The following PPM1F variants were observed in gnomAD, a reference collection of about 807,000 sequenced individuals.
PPM1F encodes protein phosphatase, Mg2+/Mn2+ dependent 1F, also known as protein phosphatase 1F.
A neutral mutation model predicts 35.5 loss-of-function variants in PPM1F; 17 were observed. That is an observed-to-expected ratio of 0.48 (90% confidence interval 0.33 to 0.72). PPM1F has a LOEUF of 0.72. PPM1F is among the 30% of genes least tolerant of loss of function. PPM1F has a pLI of 0.02. For synonymous variants in PPM1F, 241 were observed against 255.5 expected, an observed-to-expected ratio of 0.94 and a Z score of 0.54; for missense variants, 521 against 613.0, an observed-to-expected ratio of 0.85 and a Z score of 1.59.
At chr22:21,932,080 A>G (rs986266217) in intron 5 of PPM1F, among the ~76,000 whole-genome samples, 1 of 151,740 alleles carries the variant, frequency 6.6e-6, no homozygotes, top group Non-Finnish European at 1.5e-5. Flanking sequence ...AGCCTCCCAA[A>G]GTGCTGGGAT....
chr22:21,950,244 T>C (rs143828973), intron 1 of PPM1F: 22 of 152,184 alleles, frequency 1.4e-4, no homozygotes, highest in African/African-American at 4.8e-4. Flanking sequence ...CCTCCCCTCC[T>C]TGTTTTGTGG....
intron 2 of PPM1F, chr22:21,943,226 G>A (rs2070743689): frequency 6.6e-6 from 1 of 152,216 alleles, no homozygotes; most frequent in Admixed American, 6.5e-5. Flanking sequence ...AGAGCTCGGA[G>A]GTGGAACTCG....
At chr22:21,946,275 T>G in intron 1 of PPM1F, 167 bp from the exon 2 acceptor site, 1 of 406,764 alleles carries the variant, frequency 2.5e-6, no homozygotes, top group Non-Finnish European at 4.4e-6. Flanking sequence ...AGGTGGGGAC[T>G]TGTGGGCATC....
At chr22:21,938,154 C>T (rs1311834860) in intron 3 of PPM1F, 1 of 1,303,026 alleles carries the variant, frequency 7.7e-7, no homozygotes. Flanking sequence ...CCTGCAGGAG[C>T]CCCGAGCGTA....
At position 21,933,395 on chromosome 22, in the gene PPM1F, C is replaced by T. The variant is rs993840823; in HGVS notation, c.743G>A (p.Arg248Gln). The change falls in exon 5 of 8, where the codon CGA becomes CAA. Residue 248 changes from arginine (R) to glutamine (Q), a missense_variant. This residue lies in a region of PPM1F where 311 missense variants were observed against 351.5 expected (regional missense o/e 0.88). Coordinates refer to ENST00000263212, the MANE Select transcript of PPM1F (RefSeq NM_014634.4). ...TDQMFLRKAKRERLQSGTTGV... is the reference protein window; with the variant it reads ...TDQMFLRKAKQERLQSGTTGV... ...GGCCCAGCGGCCAGTCCTCACCTCT[C>T]GCTTGGCTTTCCTGAGAAACATCTG... 71 of 1,606,482 alleles carry T rather than the reference C, an allele frequency of 4.4e-5. No homozygotes were observed. Among genetic ancestry groups the T allele is most frequent in the Middle Eastern group, 3.3e-4 (2 of 6,072 alleles).
intron 6 of PPM1F, among the ~76,000 whole-genome samples, chr22:21,926,288 T>C (rs1391896821): frequency 6.6e-6 from 1 of 152,018 alleles, no homozygotes; most frequent in Non-Finnish European, 1.5e-5. Context: ...CGTGCCACCA[T>C]GCCCAGCTAA....
chr22:21,933,690 G>A lies in PPM1F; in HGVS notation c.559-111C>T, dbSNP rs1234104850. The A allele has an allele frequency of 3.9e-6, 4 of 1,033,200 alleles. No homozygotes were observed. In the African/African-American group the frequency reaches 4.8e-5, roughly 12 times the overall value. The allele number at this position is 1,033,200 out of a possible 1,614,324, so 64.0% of individuals were successfully genotyped here. A position where few individuals can be genotyped will look rare whatever the true frequency, so the allele number is the denominator to read the frequency against. ...GTCTGGGAGAATCAGTATGGCCTTC[G>A]CCCGGCTTATGTGCGTATGAGGGGG... On this transcript the variant is annotated intron_variant, in intron 4 of 7. Coordinates refer to ENST00000263212, the MANE Select transcript of PPM1F (RefSeq NM_014634.4).
chr22:21,933,435 A>C lies in PPM1F; in HGVS notation c.703T>G (p.Phe235Val). The C allele has an allele frequency of 6.2e-7, 1 of 1,612,944 alleles. No homozygotes were observed. Residue 235 changes from phenylalanine to valine, a missense_variant, in exon 5 of 8, where the codon TTC becomes GTC. Phe to Val is a conservative substitution (Grantham distance 50). Transcript: ENST00000263212. Reference sequence around the variant, plus strand: ...AGAAACATCTGGTCGGTGCGCCGGAAGGCTTCTCTGAGGGCTCCCTCAGGG... The same window carrying C: ...AGAAACATCTGGTCGGTGCGCCGGACGGCTTCTCTGAGGGCTCCCTCAGGG... ...TDPEGALREA[F>V]RRTDQMFLRK...
intron 5 of PPM1F, among the ~76,000 whole-genome samples, 200 bp downstream of exon 5, chr22:21,933,191 C>T (rs1296020923): frequency 2.6e-5 from 4 of 152,202 alleles, no homozygotes; most frequent in Non-Finnish European, 5.9e-5. Flanking sequence ...GAGAGGCCCA[C>T]CATGCTGGGT....
intron 3 of PPM1F, chr22:21,938,667 G>T: frequency 1.1e-6 from 1 of 932,406 alleles, no homozygotes; most frequent in Non-Finnish European, 1.3e-6. Flanking sequence ...CAACTCTGCT[G>T]CCTGCTGGCC....
At chr22:21,928,242 C>T (rs1298641540) in intron 6 of PPM1F, among the ~76,000 whole-genome samples, 1 of 152,122 alleles carries the variant, frequency 6.6e-6, no homozygotes, top group Non-Finnish European at 1.5e-5. Context: ...CTCCACACGG[C>T]CAGGCCGCAG....
At chr22:21,929,513 C>T (rs867762083) in intron 6 of PPM1F, among the ~76,000 whole-genome samples, 5 of 152,224 alleles carry the variant, frequency 3.3e-5, no homozygotes, top group African/African-American at 4.8e-5. Flanking sequence ...AGTGTTTGAA[C>T]AGAGCCCCCA....
intron 2 of PPM1F, chr22:21,943,967 G>C (rs1254670608): frequency 6.6e-6 from 1 of 152,494 alleles, no homozygotes; most frequent in Admixed American, 6.5e-5. Context: ...TTTGCCTCAA[G>C]GCAGCAATGG....
chr22:21,946,114 G>A lies in PPM1F; in HGVS notation c.-60-6C>T. ...GAGGGTCTCCAGGCTTCACCCTGGG[G>A]AGAAATGTCAGAGTCAGCAGAATCA... On this transcript the variant is annotated splice_region_variant and splice_polypyrimidine_tract_variant and intron_variant, in intron 1 of 7. Coordinates refer to ENST00000263212, the MANE Select transcript of PPM1F (RefSeq NM_014634.4). 1 of 1,360,400 alleles carries A rather than the reference G, an allele frequency of 7.4e-7. No individual in the cohort carries two copies. Among genetic ancestry groups the A allele is most frequent in the East Asian group, 2.6e-5 (1 of 38,438 alleles). The allele number at this position is 1,360,400 out of a possible 1,614,324, so 84.3% of individuals were successfully genotyped here.
intron 2 of PPM1F, chr22:21,945,617 C>A (rs2070768830): frequency 3.8e-6 from 2 of 531,496 alleles, no homozygotes; most frequent in South Asian, 4.8e-5. Context: ...TGATCTTGGA[C>A]TCTGGCCTCC....
intron 6 of PPM1F, among the ~76,000 whole-genome samples, chr22:21,928,182 G>T (rs2070543458): frequency 6.6e-6 from 1 of 152,030 alleles, no homozygotes; most frequent in African/African-American, 2.4e-5. Flanking sequence ...GGAGCCGGTG[G>T]CCTGTGGGTT....
chr22:21,923,294 C>T lies in PPM1F; in HGVS notation c.1163G>A (p.Arg388His), dbSNP rs149886262. 378 of 1,613,456 alleles carry T rather than the reference C, an allele frequency of 2.3e-4. No homozygotes were observed. The African/African-American group carries it at 3.0e-3, about 13-fold the overall frequency. ...HLTRQQGSGL[R>H]VAEELVAAAR... ...CGCAGCCACCAGCTCCTCGGCGACA[C>T]GGAGCCCGCTGCCCTGCTGCCTGGT... Residue 388 changes from arginine to histidine, a missense_variant, in exon 8 of 8, where the codon CGT becomes CAT. Physicochemically the swap from Arg to His is conservative, Grantham distance 29 (BLOSUM62 0). This residue lies in a region of PPM1F where 163 missense variants were observed against 169.6 expected (regional missense o/e 0.96). Coordinates refer to ENST00000263212, the MANE Select transcript of PPM1F (RefSeq NM_014634.4).
chr22:21,938,709 C>T (rs529927355), intron 3 of PPM1F: 17 of 600,492 alleles, frequency 2.8e-5, no homozygotes, highest in Middle Eastern at 8.3e-4. Context: ...CTGGGTGGGA[C>T]GTTGCTACCC....
At chr22:21,950,413 T>C (rs1318446052) in intron 1 of PPM1F, 4 of 152,022 alleles carry the variant, frequency 2.6e-5, no homozygotes, top group African/African-American at 7.3e-5. Context: ...ATTTAAAATA[T>C]TTATTTTCCT....
Sources: allele counts gnomAD v4.1 joint callset (sites outside exome capture counted in the v4.1 genomes callset), GRCh38; gene constraint gnomAD v4.1.1; regional missense constraint gnomAD v4.1.1; transcripts MANE v1.5; gene names NCBI Gene and HGNC (gene_info 2026-07-23, HGNC 2026-07-21).